The following OR7C1 variants were observed in gnomAD, a reference collection of about 807,000 sequenced individuals.
OR7C1 encodes the protein olfactory receptor 7C1.
For missense variants in OR7C1, 324 were observed against 383.3 expected, an observed-to-expected ratio of 0.85 and a Z score of 1.29; for synonymous variants, 152 against 160.7, an observed-to-expected ratio of 0.95 and a Z score of 0.41.
chr19:14,815,902 G>GCCT (rs1316355299), intron 1 of OR7C1, among the ~76,000 whole-genome samples: 1 of 151,844 alleles, frequency 6.6e-6, no homozygotes, highest in Non-Finnish European at 1.5e-5. Flanking sequence ...GCTCACTGCA[G>GCCT]CCTCTACCTC....
At chr19:14,818,650 C>CTTAT (rs1249639058) in intron 1 of OR7C1, among the ~76,000 whole-genome samples, 1 of 152,072 alleles carries the variant, frequency 6.6e-6, no homozygotes, top group Non-Finnish European at 1.5e-5. Flanking sequence ...TTTTTTCAAA[C>CTTAT]ATAAGAATGG....
chr19:14,829,507 C>T (rs1355811044), intron 1 of OR7C1, among the ~76,000 whole-genome samples: 1 of 152,016 alleles, frequency 6.6e-6, no homozygotes, highest in African/African-American at 2.4e-5. Context: ...CTGGTTGGGA[C>T]GTGCTTCTTT....
intron 2 of OR7C1, among the ~76,000 whole-genome samples, chr19:14,809,559 T>A (rs1038248234): frequency 1.3e-5 from 2 of 150,326 alleles, no homozygotes; most frequent in South Asian, 4.2e-4. Flanking sequence ...AAACAGAGAT[T>A]GAAAGCAAGA....
intron 2 of OR7C1, among the ~76,000 whole-genome samples, chr19:14,803,307 CAAAAAAAAA>C (rs553496845): frequency 1.1e-4 from 9 of 83,586 alleles, no homozygotes; most frequent in Admixed American, 7.0e-4. Context: ...ACTATGTCTC[CAAAAAAAAA>C]AAAAAAAAAA....
At chr19:14,826,750 G>A (rs2044771674) in intron 1 of OR7C1, 1 of 152,330 alleles carries the variant, frequency 6.6e-6, no homozygotes, top group Non-Finnish European at 1.5e-5. Context: ...AGGGAGTATG[G>A]CAGATACTGT....
chr19:14,806,091 A>G (rs1374655870), intron 2 of OR7C1, among the ~76,000 whole-genome samples: 2 of 151,922 alleles, frequency 1.3e-5, no homozygotes, highest in African/African-American at 2.4e-5. Flanking sequence ...TTGTCACTCA[A>G]TGAGATGTGC....
intron 2 of OR7C1, among the ~76,000 whole-genome samples, chr19:14,803,307 CAAA>C (rs553496845): frequency 2.4e-5 from 2 of 83,594 alleles, no homozygotes; most frequent in East Asian, 4.0e-4. Flanking sequence ...ACTATGTCTC[CAAA>C]AAAAAAAAAA....
intron 1 of OR7C1, chr19:14,826,525 A>T (rs372154766): frequency 7.9e-5 from 12 of 152,260 alleles, no homozygotes; most frequent in African/African-American, 2.9e-4. Flanking sequence ...TATGGGCACT[A>T]AGCTTCCATA....
intron 1 of OR7C1, chr19:14,827,038 T>C: frequency 2.9e-6 from 1 of 341,850 alleles, no homozygotes; most frequent in African/African-American, 2.1e-5. Context: ...CTCCAAAGTG[T>C]TTCTGATCCA....
intron 1 of OR7C1, among the ~76,000 whole-genome samples, chr19:14,814,192 TA>T (rs747238924): frequency 8.8e-5 from 13 of 147,362 alleles, no homozygotes; most frequent in Non-Finnish European, 1.9e-4. Flanking sequence ...TACATCAAAC[TA>T]AAAACTTCTG....
At chr19:14,832,460 TCTGTCACCAGG>T (rs1464728690) in intron 1 of OR7C1, among the ~76,000 whole-genome samples, 2 of 147,052 alleles carry the variant, frequency 1.4e-5, no homozygotes, top group Non-Finnish European at 3.0e-5. Flanking sequence ...GGAGCCTTGC[TCTGTCACCAGG>T]CTGGAGTGCA....
At chr19:14,799,563 T>A in exon 5 of OR7C1, 2 of 1,614,120 alleles carry the variant, frequency 1.2e-6, no homozygotes, top group African/African-American at 2.7e-5. Context: ...TTAATGAAGG[T>A]GTCAGAACAG....
intron 2 of OR7C1, among the ~76,000 whole-genome samples, chr19:14,801,028 C>T (rs549396543): frequency 6.6e-6 from 1 of 152,158 alleles, no homozygotes; most frequent in Non-Finnish European, 1.5e-5. Context: ...TCGTGTGTGT[C>T]CGTGTTCTAA....
intron 1 of OR7C1, among the ~76,000 whole-genome samples, chr19:14,814,128 G>A (rs2054849235): frequency 6.7e-6 from 1 of 149,874 alleles, no homozygotes; most frequent in Non-Finnish European, 1.5e-5. Context: ...ATAATTTTTG[G>A]GAAATGACCC....
intron 3 of OR7C1, 29 bp from the exon 4 acceptor site, chr19:14,800,473 A>G (rs559994571): frequency 1.7e-5 from 4 of 241,262 alleles, no homozygotes; most frequent in African/African-American, 4.5e-5. Context: ...CATTTTAACA[A>G]TATCACCAAG....
chr19:14,799,674 C>G lies in OR7C1; in HGVS notation c.463G>C (p.Gly155Arg), dbSNP rs145219068. 6.4e-5 allele frequency: 103 copies of G among 1,613,898 alleles called. No homozygotes were observed. The highest frequency in any genetic ancestry group is 8.6e-5 in the Non-Finnish European group (101 of 1,180,020). The change falls in exon 5 of 5, where the codon GGT (glycine) becomes CGT (arginine). Residue 155 changes from glycine (G) to arginine (R), a missense_variant. Transcript: ENST00000641666. Reference sequence around the variant, plus strand: ...ACAGTCAAGGTCTCGAGCAGGGAACCCATGACACTGATGCACCAGGACCCC... The same window carrying G: ...ACAGTCAAGGTCTCGAGCAGGGAACGCATGACACTGATGCACCAGGACCCC...
chr19:14,819,903 T>C (rs1230498726), intron 1 of OR7C1, among the ~76,000 whole-genome samples: 1 of 152,226 alleles, frequency 6.6e-6, no homozygotes, highest in Non-Finnish European at 1.5e-5. Context: ...ATTTTATTTT[T>C]ATGCGTTTAT....
intron 2 of OR7C1, among the ~76,000 whole-genome samples, chr19:14,805,406 A>ATT (rs33957500): frequency 0.018 from 1,807 of 98,086 alleles, 101 homozygotes; most frequent in African/African-American, 0.041. Flanking sequence ...CAGGAAAATA[A>ATT]TTTTTTTTTT....
chr19:14,799,233 C>T (rs762105928), exon 5 of OR7C1: 2 of 1,614,114 alleles, frequency 1.2e-6, no homozygotes, highest in East Asian at 2.2e-5. Flanking sequence ...AGGAGTCTCC[C>T]CAGGGCCCTC....
Sources: allele counts gnomAD v4.1 joint callset (sites outside exome capture counted in the v4.1 genomes callset), GRCh38; gene constraint gnomAD v4.1.1; transcripts MANE v1.5; gene names NCBI Gene and HGNC (gene_info 2026-07-23, HGNC 2026-07-21).